ATG4C: variants seen among roughly 807,000 people sequenced by gnomAD.
ATG4C encodes cysteine protease ATG4C.
In ATG4C, 56 loss-of-function variants were observed where a neutral mutation model predicts 57.6. That is an observed-to-expected ratio of 0.97 (90% CI 0.78 to 1.21). The LOEUF (loss-of-function observed/expected upper bound fraction) is 1.21, where lower values mean the gene tolerates loss of function less well. Among genes scored for constraint, ATG4C ranks in the 50% most tolerant of loss-of-function variants. The pLI is 0.00. For missense variants in ATG4C, 595 were observed against 529.8 expected, an observed-to-expected ratio of 1.12 and a Z score of -1.21; for synonymous variants, 157 against 174.1, an observed-to-expected ratio of 0.90 and a Z score of 0.78.
At chr1:62,795,667 T>G (rs1276680702) in intron 1 of ATG4C, among the ~76,000 whole-genome samples, 1 of 152,030 alleles carries the variant, frequency 6.6e-6, no homozygotes, top group Non-Finnish European at 1.5e-5. Flanking sequence ...GAAAAAAGAT[T>G]TAGTAATTTT....
intron 9 of ATG4C, among the ~76,000 whole-genome samples, chr1:62,836,340 C>A (rs1387464176): frequency 1.3e-5 from 2 of 151,974 alleles, no homozygotes; most frequent in Non-Finnish European, 2.9e-5. Flanking sequence ...AGAAACATTT[C>A]TTATATAGTG....
intron 9 of ATG4C, among the ~76,000 whole-genome samples, chr1:62,836,843 C>G (rs906780882): frequency 6.6e-6 from 1 of 151,980 alleles, no homozygotes; most frequent in African/African-American, 2.4e-5. Context: ...TGGTAGTCCT[C>G]TGATATTTTG....
intron 7 of ATG4C, among the ~76,000 whole-genome samples, chr1:62,830,378 A>G (rs1420648222): frequency 1.3e-5 from 2 of 152,022 alleles, no homozygotes; most frequent in Admixed American, 1.3e-4. Flanking sequence ...TCAAATCTGA[A>G]CTGGATTCTT....
chr1:62,825,709 C>T (rs1439121131), intron 6 of ATG4C, among the ~76,000 whole-genome samples: 1 of 152,112 alleles, frequency 6.6e-6, no homozygotes, highest in East Asian at 1.9e-4. Context: ...TTTCTGTTTA[C>T]CTAACAAGTA....
chr1:62,857,582 C>T (rs6656119), intron 10 of ATG4C, among the ~76,000 whole-genome samples: 2 of 151,856 alleles, frequency 1.3e-5, no homozygotes, highest in Admixed American at 6.6e-5. Context: ...CCCACCCCCC[C>T]AGTCCGTGGA....
At chr1:62,829,806 T>C (rs1205369355) in intron 7 of ATG4C, among the ~76,000 whole-genome samples, 1 of 152,166 alleles carries the variant, frequency 6.6e-6, no homozygotes, top group South Asian at 2.1e-4. Flanking sequence ...TAAAATACCT[T>C]GGAAATAGTT....
intron 10 of ATG4C, among the ~76,000 whole-genome samples, chr1:62,862,070 CCTT>C (rs1466656241): frequency 2.0e-5 from 3 of 152,058 alleles, no homozygotes; most frequent in African/African-American, 7.2e-5. Context: ...TTTGGGTAAA[CCTT>C]TAATATATTG....
intron 1 of ATG4C, among the ~76,000 whole-genome samples, chr1:62,785,866 T>G (rs1214013737): frequency 3.3e-5 from 5 of 152,206 alleles, no homozygotes; most frequent in Non-Finnish European, 2.9e-5. Flanking sequence ...AGAATAAATT[T>G]ACTCATATAA....
rs796538435 is a variant in ATG4C at position 62,821,280 on chromosome 1, A to G, written c.796+71A>G. 58 of 955,494 alleles carry G rather than the reference A, an allele frequency of 6.1e-5. No homozygotes were observed. In the African/African-American group the frequency reaches 8.6e-4, roughly 14 times the overall value. 59.2% of individuals were successfully genotyped at this position (955,494 alleles called of 1,614,324 possible). ...TTTTTATATGTGTTTAGCTTATCCC[A>G]GTAATACTGTAAATGATTATGAAGG... On this transcript the variant is annotated intron_variant, in intron 6 of 10. Coordinates refer to ENST00000317868, the MANE Select transcript of ATG4C (RefSeq NM_032852.4).
intron 3 of ATG4C, among the ~76,000 whole-genome samples, chr1:62,813,226 A>G (rs1473026070): frequency 1.3e-5 from 2 of 152,188 alleles, no homozygotes; most frequent in African/African-American, 2.4e-5. Context: ...AAACTATACT[A>G]CAGGGCTACA....
intron 3 of ATG4C, among the ~76,000 whole-genome samples, chr1:62,807,233 G>A (rs1664910953): frequency 6.6e-6 from 1 of 152,130 alleles, no homozygotes; most frequent in African/African-American, 2.4e-5. Context: ...ATCCTGAGCG[G>A]TAGGGGTGCT....
chr1:62,829,218 A>C, intron 7 of ATG4C, 42 bp downstream of exon 7: 1 of 1,596,254 alleles, frequency 6.3e-7, no homozygotes, highest in Admixed American at 1.8e-5. Flanking sequence ...AATACTAGCT[A>C]ATATGAAAAA....
chr1:62,803,110 A>G lies in ATG4C; in HGVS notation c.-68-609A>G, dbSNP rs556090661. 3.9e-5 allele frequency among the ~76,000 whole-genome samples: 6 copies of G among 152,296 alleles called. No individual in the cohort carries two copies. In the East Asian group the frequency reaches 9.7e-4, roughly 25 times the overall value. ...AATAAAACAGACACTTATGAGCTAC[A>G]TTTATTCTATTTTAAAGTAAGAACA... On this transcript the variant is annotated intron_variant, in intron 1 of 10. Transcript: ENST00000317868.
At chr1:62,792,323 A>G (rs10493329) in intron 1 of ATG4C, among the ~76,000 whole-genome samples, 25,218 of 152,072 alleles carry the variant, frequency 0.17, 2,240 homozygotes, top group African/African-American at 0.2. Flanking sequence ...TCCTTTCACC[A>G]GTACCCTGAT....
At position 62,805,849 on chromosome 1, in the gene ATG4C, G is replaced by A. The variant is rs146059773; in HGVS notation, c.160+594G>A. 1.2e-4 allele frequency among the ~76,000 whole-genome samples: 19 copies of A among 152,262 alleles called. No individual in the cohort carries two copies. In the East Asian group the frequency reaches 3.7e-3, roughly 29 times the overall value. ...TTAAATAATTTGTCCAAAGTCACATGGGTATTAAATGGCAGAGCTGAAATT... is the reference window on the plus strand; with the variant it reads ...TTAAATAATTTGTCCAAAGTCACATAGGTATTAAATGGCAGAGCTGAAATT... On this transcript the variant is annotated intron_variant, in intron 3 of 10. Transcript: ENST00000317868.
chr1:62,814,991 G>A (rs1665219051), intron 3 of ATG4C, among the ~76,000 whole-genome samples: 1 of 152,128 alleles, frequency 6.6e-6, no homozygotes, highest in South Asian at 2.1e-4. Flanking sequence ...CTTTAACCCT[G>A]GAGGCAGAGA....
At chr1:62,839,474 T>TA (rs1357836790) in intron 9 of ATG4C, among the ~76,000 whole-genome samples, 1 of 152,306 alleles carries the variant, frequency 6.6e-6, no homozygotes, top group Non-Finnish European at 1.5e-5. Flanking sequence ...CCCCAACTGG[T>TA]AAAAAAGTTA....
Position 62,805,152 on chromosome 1 carries a change from C to CTTTTTTTTTT in ATG4C, c.77-15_77-6dup. ...TTTTAATTACAAAACGTTTTCTTTT[C>CTTTTTTTTTT]TTTTTTTTTTTTTTGCTAGGTTGGG... On this transcript the variant is annotated intron_variant, in intron 2 of 10. Coordinates refer to ENST00000317868, the MANE Select transcript of ATG4C (RefSeq NM_032852.4). The CTTTTTTTTTT allele has an allele frequency of 1.7e-6, 1 of 592,026 alleles. No individual in the cohort carries two copies. Among genetic ancestry groups the CTTTTTTTTTT allele is most frequent in the Non-Finnish European group, 2.7e-6 (1 of 369,730 alleles). 36.7% of individuals were successfully genotyped at this position (592,026 alleles called of 1,614,324 possible).
chr1:62,795,043 A>G (rs1236377864), intron 1 of ATG4C, among the ~76,000 whole-genome samples: 2 of 152,228 alleles, frequency 1.3e-5, no homozygotes, highest in Non-Finnish European at 2.9e-5. Context: ...ATCAATATCT[A>G]TATTTCATCT....
Sources: gnomAD v4.1 joint callset for allele counts (sites outside exome capture counted in the v4.1 genomes callset) on GRCh38, gnomAD v4.1.1 for gene constraint, MANE v1.5 for transcripts, NCBI Gene and HGNC (gene_info 2026-07-23, HGNC 2026-07-21) for gene names.